The following GAP43 variants were observed in gnomAD, a reference collection of about 807,000 sequenced individuals.
GAP43 encodes the protein neuromodulin.
GAP43 carries 6 observed loss-of-function variants against 18.6 expected under a neutral mutation model. That is an observed-to-expected ratio of 0.32 (90% CI 0.18 to 0.64). The LOEUF (loss-of-function observed/expected upper bound fraction) is 0.64, where lower values mean the gene tolerates loss of function less well. Among genes scored for constraint, GAP43 ranks in the 30% least tolerant of loss-of-function variants. The pLI is 0.78. For missense variants in GAP43, 292 were observed against 295.5 expected (o/e 0.99, Z 0.09); for synonymous variants, 115 against 111.4 (o/e 1.03, Z -0.20).
rs1708309508 is a variant in GAP43, at chr3:115,634,923, T to G, written c.30+11204T>G. On this transcript the variant is annotated intron_variant, in intron 1 of 2. Transcript: ENST00000305124. ...TTCCAGTGGGGAAAGGAATAAGCAT[T>G]GAGTTATATTTTGCATGGACATTGC... is the stretch of plus-strand genomic sequence containing the variant. 2.6e-5 allele frequency among the ~76,000 whole-genome samples: 4 copies of G among 152,296 alleles called. No individual in the cohort carries two copies. In the South Asian group the frequency reaches 8.3e-4, roughly 32 times the overall value.
chr3:115,666,651 G>A (rs1708737464), intron 1 of GAP43, among the ~76,000 whole-genome samples: 1 of 152,064 alleles, frequency 6.6e-6, no homozygotes, highest in Non-Finnish European at 1.5e-5. Flanking sequence ...CCCTCATCCT[G>A]CAGATGAGGA....
intron 1 of GAP43, among the ~76,000 whole-genome samples, chr3:115,627,971 G>C (rs1187056217): frequency 6.6e-6 from 1 of 152,142 alleles, no homozygotes; most frequent in Non-Finnish European, 1.5e-5. Flanking sequence ...TCCTTCTGTA[G>C]AATGAAGAGT....
At chr3:115,686,819 G>A (rs1345782152) in intron 2 of GAP43, among the ~76,000 whole-genome samples, 4 of 152,134 alleles carry the variant, frequency 2.6e-5, no homozygotes, top group African/African-American at 9.7e-5. Context: ...AGATTGATTT[G>A]CAACCATTTA....
At position 115,711,561 on chromosome 3, in the gene GAP43, T is replaced by C. The variant is rs540999982; in HGVS notation, c.629-9233T>C. Among the ~76,000 whole-genome samples, 15 of 152,312 alleles carry C rather than the reference T, an allele frequency of 9.8e-5. No homozygotes were observed. The South Asian group carries it at 3.1e-3, about 32-fold the overall frequency. ...AAAAATTCCTAGGTTGAAATGTCTC[T>C]AATCATCACTATTAGTTAACAACAC... is the stretch of plus-strand genomic sequence containing the variant. On this transcript the variant is annotated intron_variant, in intron 2 of 2. Transcript: ENST00000305124.
At chr3:115,640,397 C>G (rs533145848) in intron 1 of GAP43, among the ~76,000 whole-genome samples, 77 of 152,150 alleles carry the variant, frequency 5.1e-4, no homozygotes, top group Non-Finnish European at 7.7e-4. Flanking sequence ...ACCCGCCAGT[C>G]ATGGGTAAAA....
chr3:115,683,155 A>ACACG, intron 2 of GAP43, among the ~76,000 whole-genome samples: 1 of 135,692 alleles, frequency 7.4e-6, no homozygotes, highest in African/African-American at 2.7e-5. Flanking sequence ...GCGCACACAC[A>ACACG]CACACACACA....
intron 2 of GAP43, among the ~76,000 whole-genome samples, chr3:115,677,695 G>A (rs1291538582): frequency 2.0e-5 from 3 of 152,128 alleles, no homozygotes; most frequent in African/African-American, 4.8e-5. Flanking sequence ...GAAGCGCCTC[G>A]GTTTAACCAA....
chr3:115,639,582 A>G (rs1245324694), intron 1 of GAP43, among the ~76,000 whole-genome samples: 1 of 152,066 alleles, frequency 6.6e-6, no homozygotes, highest in Non-Finnish European at 1.5e-5. Context: ...TAGTTAAAAA[A>G]CTATGTACAA....
chr3:115,665,931 G>A (rs1490468050), intron 1 of GAP43, among the ~76,000 whole-genome samples: 1 of 152,026 alleles, frequency 6.6e-6, no homozygotes, highest in East Asian at 1.9e-4. Flanking sequence ...TACTAGATGT[G>A]TGAGGGATAT....
intron 2 of GAP43, among the ~76,000 whole-genome samples, chr3:115,702,872 A>AAAGAAGG (rs1709313262): frequency 6.6e-6 from 1 of 152,146 alleles, no homozygotes; most frequent in South Asian, 2.1e-4. Flanking sequence ...CCCTTGTTAC[A>AAAGAAGG]GGTAAAGAAG....
At chr3:115,655,880 T>C (rs1576984118) in intron 1 of GAP43, among the ~76,000 whole-genome samples, 1 of 152,126 alleles carries the variant, frequency 6.6e-6, no homozygotes, top group East Asian at 1.9e-4. Flanking sequence ...ATGACTGAAA[T>C]ACAACAGGAA....
At chr3:115,642,482 G>A (rs1156465376) in intron 1 of GAP43, among the ~76,000 whole-genome samples, 1 of 151,294 alleles carries the variant, frequency 6.6e-6, no homozygotes, top group South Asian at 2.1e-4. Flanking sequence ...TATGTGTGTC[G>A]ATTTAAAAGT....
intron 1 of GAP43, among the ~76,000 whole-genome samples, chr3:115,630,723 A>G (rs1708250510): frequency 6.6e-6 from 1 of 152,176 alleles, no homozygotes; most frequent in Admixed American, 6.5e-5. Flanking sequence ...GAGTTTTTCT[A>G]TTATTTTCTC....
intron 2 of GAP43, among the ~76,000 whole-genome samples, chr3:115,699,737 C>T (rs2107366991): frequency 6.6e-6 from 1 of 152,244 alleles, no homozygotes; most frequent in African/African-American, 2.4e-5. Context: ...TTTGCTCTTT[C>T]TTCTTTAAGA....
intron 1 of GAP43, among the ~76,000 whole-genome samples, chr3:115,670,355 C>T (rs940102448): frequency 4.0e-5 from 6 of 151,472 alleles, no homozygotes; most frequent in Non-Finnish European, 7.4e-5. Context: ...CATAGTATTC[C>T]ATGGTGTATA....
chr3:115,670,270 GT>G (rs1708800483), intron 1 of GAP43, among the ~76,000 whole-genome samples: 1 of 146,166 alleles, frequency 6.8e-6, no homozygotes, highest in African/African-American at 2.6e-5. Context: ...TCTTGCAATA[GT>G]TTACTGAGAA....
intron 2 of GAP43, among the ~76,000 whole-genome samples, chr3:115,702,052 G>T (rs543079678): frequency 6.6e-6 from 1 of 152,056 alleles, no homozygotes; most frequent in African/African-American, 2.4e-5. Flanking sequence ...GGCCAATCTG[G>T]TTACACTTGT....
At chr3:115,647,227 A>G (rs994544423) in intron 1 of GAP43, among the ~76,000 whole-genome samples, 9 of 152,026 alleles carry the variant, frequency 5.9e-5, no homozygotes, top group African/African-American at 2.2e-4. Flanking sequence ...GGCTCGGTCT[A>G]TTATACAGAA....
intron 2 of GAP43, among the ~76,000 whole-genome samples, chr3:115,678,723 A>C (rs1214333555): frequency 3.3e-5 from 5 of 152,132 alleles, no homozygotes; most frequent in Non-Finnish European, 1.5e-5. Flanking sequence ...AAAATATCTT[A>C]ATTAATCAGA....
Sources: gnomAD v4.1 joint callset for allele counts (sites outside exome capture counted in the v4.1 genomes callset) on GRCh38, gnomAD v4.1.1 for gene constraint, MANE v1.5 for transcripts, NCBI Gene and HGNC (gene_info 2026-07-23, HGNC 2026-07-21) for gene names.